SKOR1: variants seen among roughly 807,000 people sequenced by gnomAD.
The protein encoded by SKOR1 is LBX1 corepressor 1.
SKOR1 carries 38 observed loss-of-function variants against 72.4 expected under a neutral mutation model. The observed-to-expected ratio is 0.52, with a 90% CI of 0.40 to 0.69. The LOEUF (loss-of-function observed/expected upper bound fraction) is 0.69, where lower values mean the gene tolerates loss of function less well. Among genes scored for constraint, SKOR1 ranks in the 30% least tolerant of loss-of-function variants. The pLI is 0.00. For missense variants in SKOR1, 1,320 were observed against 1,343.2 expected (o/e 0.98, Z 0.27); for synonymous variants, 642 against 599.4 (o/e 1.07, Z -1.04).
chr15:67,827,800 G>A lies in SKOR1; in HGVS notation c.1972G>A (p.Glu658Lys), dbSNP rs865884747. ...SASPDVDTAD[E>K]PEVDVESNRF... ...CTCGCCCGACGTGGACACCGCGGAC[G>A]AGCCCGAGGTGGACGTGGAATCCAA... Residue 658 changes from glutamate (E) to lysine (K), a missense_variant, in exon 2 of 9, where the codon GAG becomes AAG. Around this residue, in one of 3 missense-constraint regions of SKOR1, gnomAD observed 1,099 missense variants for 1,025.5 expected, o/e 1.07. Transcript: ENST00000380035. The A allele has an allele frequency of 2.5e-6, 4 of 1,575,750 alleles. No homozygotes were observed. In the South Asian group the frequency reaches 4.6e-5, roughly 18 times the overall value.
In SKOR1 at chr15:67,832,911, T is replaced by C. The variant is rs1597020743; in HGVS notation, c.2737+230T>C. The stretch of plus-strand genomic sequence containing the variant: ...GATTGAACTTCTTATCGCGGCAATT[T>C]CCATGGTTTCTAAATTAAAAATCGA... On this transcript the variant is annotated intron_variant, in intron 7 of 8. Transcript: ENST00000380035. This position sits in a 1 kb window ranked among gnomAD's most constrained non-coding sequence, Gnocchi z 4.5. 1 of 599,488 alleles carries C rather than the reference T, an allele frequency of 1.7e-6. No homozygotes were observed. The highest frequency in any genetic ancestry group is 2.8e-5 in the East Asian group (1 of 36,092). 37.1% of individuals were successfully genotyped at this position (599,488 alleles called of 1,614,324 possible). A position where few individuals can be genotyped will look rare whatever the true frequency, so the allele number is the denominator to read the frequency against.
At chr15:67,829,097 C>A in intron 2 of SKOR1, 82 bp from the exon 3 acceptor site, 1 of 1,322,856 alleles carries the variant, frequency 7.6e-7, no homozygotes. Flanking sequence ...GGCTTTCCCT[C>A]TTGGCCGCGG....
At chr15:67,828,650 C>T (rs2090984795) in intron 2 of SKOR1, among the ~76,000 whole-genome samples, 1 of 152,112 alleles carries the variant, frequency 6.6e-6, no homozygotes, top group Admixed American at 6.5e-5. Flanking sequence ...TTCGCACTCC[C>T]GCCTTGGGAA....
In SKOR1 at chr15:67,833,714, A is replaced by G. The variant is rs986983568; in HGVS notation, c.2804-28A>G. The G allele has an allele frequency of 5.6e-6, 9 of 1,609,874 alleles. No individual in the cohort carries two copies. Among genetic ancestry groups the G allele is most frequent in the Non-Finnish European group, 6.8e-6 (8 of 1,176,902 alleles). On this transcript the variant is annotated intron_variant, in intron 8 of 8. Transcript: ENST00000380035. This position sits in a 1 kb window ranked among gnomAD's most constrained non-coding sequence, Gnocchi z 6.0. ...GTGAGGTGAGCCTGGAGAGGCGCCC[A>G]GAGTGACCCTCGCGACTGTCTCCCC...
Position 67,833,286 on chromosome 15 carries a change from G to A in SKOR1, c.2803+29G>A, listed in dbSNP as rs772697358. On this transcript the variant is annotated intron_variant, in intron 8 of 8. Transcript: ENST00000380035. This position sits in a 1 kb window ranked among gnomAD's most constrained non-coding sequence, Gnocchi z 6.0. ...CGGAAGCCGGGAAACAAAGATAGGA[G>A]GGGTGCTGGGTGCCGGCCGTGCTGT... The A allele has an allele frequency of 7.4e-6, 12 of 1,612,470 alleles. No individual in the cohort carries two copies. In the Admixed American group the frequency reaches 1.7e-4, roughly 22 times the overall value.
In SKOR1 at chr15:67,833,789, C is replaced by T; in HGVS notation, c.2851C>T (p.Arg951Cys). 2.5e-6 allele frequency: 4 copies of T among 1,613,146 alleles called. No individual in the cohort carries two copies. In the South Asian group the frequency reaches 4.4e-5, roughly 18 times the overall value. Residue 951 changes from arginine to cysteine, a missense_variant, in exon 9 of 9, where the codon CGC becomes TGC. Physicochemically the swap from Arg to Cys is radical, Grantham distance 180. Transcript: ENST00000380035. This position sits in a 1 kb window ranked among gnomAD's most constrained non-coding sequence, Gnocchi z 6.0. Reference protein sequence around the residue: ...HHFSCKMLTPRHCTGNCSFKP... With the variant: ...HHFSCKMLTPCHCTGNCSFKP... Reference sequence around the variant, plus strand: ...TTTCTCCTGCAAGATGCTGACGCCCCGCCACTGCACTGGCAACTGCTCCTT... The same window carrying T: ...TTTCTCCTGCAAGATGCTGACGCCCTGCCACTGCACTGGCAACTGCTCCTT...
rs761329955 is a variant in SKOR1 at position 67,833,296 on chromosome 15, G to T, written c.2803+39G>T. 17 of 1,603,116 alleles carry T rather than the reference G, an allele frequency of 1.1e-5. No homozygotes were observed. In the South Asian group the frequency reaches 1.9e-4, roughly 18 times the overall value. Reference sequence around the variant, plus strand: ...GAAACAAAGATAGGAGGGGTGCTGGGTGCCGGCCGTGCTGTCGACTGAATG... The same window carrying T: ...GAAACAAAGATAGGAGGGGTGCTGGTTGCCGGCCGTGCTGTCGACTGAATG... On this transcript the variant is annotated intron_variant, in intron 8 of 8. Transcript: ENST00000380035. The surrounding 1 kb of genome is among the most constrained non-coding windows in gnomAD (Gnocchi z 6.0).
Position 67,833,990 on chromosome 15 carries a change from C to T in SKOR1, c.*154C>T. On this transcript the variant is annotated 3_prime_UTR_variant, in exon 9 of 9. Coordinates refer to ENST00000380035, the MANE Select transcript of SKOR1 (RefSeq NM_001365915.1). The surrounding 1 kb of genome is among the most constrained non-coding windows in gnomAD (Gnocchi z 6.0). ...CCGCCTTCCTCCCGGGCTCCCCGGC[C>T]TTGCCCGCCCCCTCCCGGGCGTCCC... The T allele has an allele frequency of 1.2e-6, 1 of 829,496 alleles. No individual in the cohort carries two copies. The highest frequency in any genetic ancestry group is 2.0e-6 in the Non-Finnish European group (1 of 511,964). The allele number at this position is 829,496 out of a possible 1,614,324, so 51.4% of individuals were successfully genotyped here. A position where few individuals can be genotyped will look rare whatever the true frequency, so the allele number is the denominator to read the frequency against.
rs549297936 is a variant in SKOR1, at chr15:67,825,883, C to A, written c.108-53C>A. The A allele has an allele frequency of 3.3e-6, 5 of 1,509,074 alleles. No homozygotes were observed. The highest frequency in any genetic ancestry group is 2.6e-6 in the Non-Finnish European group (3 of 1,135,644). 93.5% of individuals were successfully genotyped at this position (1,509,074 alleles called of 1,614,324 possible). A position where few individuals can be genotyped will look rare whatever the true frequency, so the allele number is the denominator to read the frequency against. On this transcript the variant is annotated intron_variant, in intron 1 of 8. Coordinates refer to ENST00000380035, the MANE Select transcript of SKOR1 (RefSeq NM_001365915.1). This position sits in a 1 kb window ranked among gnomAD's most constrained non-coding sequence, Gnocchi z 5.6. ...CGCCCTGCTGGGCGGGCCCGAGCCT[C>A]GGCGGCGGCGCTGAAAATGGCTCAT...
Position 67,832,535 on chromosome 15 carries a change from G to A in SKOR1, c.2663-72G>A, listed in dbSNP as rs867087535. ...AGTTGGGGGTAGGGGTGAAAGGGGG[G>A]GCCAGGAGTGAGAAAGTGGAGCCGG... On this transcript the variant is annotated intron_variant, in intron 6 of 8. Coordinates refer to ENST00000380035, the MANE Select transcript of SKOR1 (RefSeq NM_001365915.1). This position sits in a 1 kb window ranked among gnomAD's most constrained non-coding sequence, Gnocchi z 4.5. 6.2e-6 allele frequency: 9 copies of A among 1,445,982 alleles called. No homozygotes were observed. The Middle Eastern group carries it at 1.6e-3, about 254-fold the overall frequency. 89.6% of individuals were successfully genotyped at this position (1,445,982 alleles called of 1,614,324 possible).
rs1566977542 is a variant in SKOR1, at chr15:67,833,200, TG to T, written c.2747del (p.Cys916LeufsTer18). The T allele has an allele frequency of 6.2e-7, 1 of 1,614,040 alleles. No homozygotes were observed. Among genetic ancestry groups the T allele is most frequent in the East Asian group, 2.2e-5 (1 of 44,876 alleles). ...CTCCCCTTGTCTTCCAGATACCCTG[TG>T]TAACGAACTCGACCAGGAGCGGAAG... ...QQLQIVRDTL[C>X]NELDQERKAR... On this transcript the variant is annotated frameshift_variant, in exon 8 of 9. Coordinates refer to ENST00000380035, the MANE Select transcript of SKOR1 (RefSeq NM_001365915.1). LOFTEE classifies it high-confidence loss of function. The surrounding 1 kb of genome is among the most constrained non-coding windows in gnomAD (Gnocchi z 6.0).
chr15:67,830,668 T>C (rs933248964), intron 4 of SKOR1, 150 bp from the exon 5 acceptor site: 9 of 755,186 alleles, frequency 1.2e-5, no homozygotes, highest in African/African-American at 1.0e-4. Flanking sequence ...TCCTAGAAGG[T>C]GGATAGTACT....
chr15:67,832,741 G>A lies in SKOR1; in HGVS notation c.2737+60G>A, dbSNP rs752142960. 7.3e-7 allele frequency: 1 copy of A among 1,364,772 alleles called. No individual in the cohort carries two copies. The allele number at this position is 1,364,772 out of a possible 1,614,324, so 84.5% of individuals were successfully genotyped here. On this transcript the variant is annotated intron_variant, in intron 7 of 8. Transcript: ENST00000380035. This position sits in a 1 kb window ranked among gnomAD's most constrained non-coding sequence, Gnocchi z 4.5. ...CGTAACTGCCTCTCGTCTGGCAGGA[G>A]CCGCAATGTTGGCTCAGTCATTTGG...
At position 67,826,354 on chromosome 15, in the gene SKOR1, C is replaced by G; in HGVS notation, c.526C>G (p.Pro176Ala). The G allele has an allele frequency of 6.2e-7, 1 of 1,613,668 alleles. No homozygotes were observed. ...GGGCGAGCACAAACCACCCAAGCTG[C>G]CCGAGAACTTCGCCTTCGATGTGGT... Reference protein sequence around the residue: ...FLGEHKPPKLPENFAFDVVHE... With the variant: ...FLGEHKPPKLAENFAFDVVHE... The change falls in exon 2 of 9, where the codon CCC becomes GCC. Residue 176 changes from proline (P) to alanine (A), a missense_variant. Pro to Ala is a conservative substitution (Grantham distance 27). Transcript: ENST00000380035.
At position 67,832,542 on chromosome 15, in the gene SKOR1, A is replaced by G; in HGVS notation, c.2663-65A>G. ...GGTAGGGGTGAAAGGGGGGGCCAGG[A>G]GTGAGAAAGTGGAGCCGGGAGAGGG... On this transcript the variant is annotated intron_variant, in intron 6 of 8. Transcript: ENST00000380035. This position sits in a 1 kb window ranked among gnomAD's most constrained non-coding sequence, Gnocchi z 4.5. 1.4e-6 allele frequency: 2 copies of G among 1,469,402 alleles called. No individual in the cohort carries two copies. Among genetic ancestry groups the G allele is most frequent in the East Asian group, 2.3e-5 (1 of 43,950 alleles). 91.0% of individuals were successfully genotyped at this position (1,469,402 alleles called of 1,614,324 possible).
At position 67,833,698 on chromosome 15, in the gene SKOR1, G is replaced by C. The variant is rs747084884; in HGVS notation, c.2804-44G>C. ...AAGGGTGGACTGCGCGGTGAGGTGA[G>C]CCTGGAGAGGCGCCCAGAGTGACCC... is the stretch of plus-strand genomic sequence containing the variant. On this transcript the variant is annotated intron_variant, in intron 8 of 8. Transcript: ENST00000380035. The surrounding 1 kb of genome is among the most constrained non-coding windows in gnomAD (Gnocchi z 6.0). 3 of 1,593,980 alleles carry C rather than the reference G, an allele frequency of 1.9e-6. No individual in the cohort carries two copies. The highest frequency in any genetic ancestry group is 1.7e-6 in the Non-Finnish European group (2 of 1,162,998).
chr15:67,833,667 A>T lies in SKOR1; in HGVS notation c.2804-75A>T. 6.9e-7 allele frequency: 1 copy of T among 1,456,082 alleles called. No homozygotes were observed. 90.2% of individuals were successfully genotyped at this position (1,456,082 alleles called of 1,614,324 possible). A position where few individuals can be genotyped will look rare whatever the true frequency, so the allele number is the denominator to read the frequency against. ...CCCCAAAGGGTTGGTAAGGCCGGGGAGGGGAAAGGGTGGACTGCGCGGTGA... is the reference window on the plus strand; with the variant it reads ...CCCCAAAGGGTTGGTAAGGCCGGGGTGGGGAAAGGGTGGACTGCGCGGTGA... On this transcript the variant is annotated intron_variant, in intron 8 of 8. Coordinates refer to ENST00000380035, the MANE Select transcript of SKOR1 (RefSeq NM_001365915.1). The surrounding 1 kb of genome is among the most constrained non-coding windows in gnomAD (Gnocchi z 6.0).
intron 3 of SKOR1, among the ~76,000 whole-genome samples, chr15:67,829,872 C>T (rs1213511694): frequency 6.6e-6 from 1 of 152,270 alleles, no homozygotes; most frequent in African/African-American, 2.4e-5. Flanking sequence ...CGGACAGACC[C>T]GGCGGCCACG....
intron 5 of SKOR1, among the ~76,000 whole-genome samples, chr15:67,831,927 GCGGGGGC>G (rs2091011679): frequency 7.0e-6 from 1 of 143,634 alleles, no homozygotes; most frequent in African/African-American, 2.7e-5. Flanking sequence ...CGGGGCCGGG[GCGGGGGC>G]GGGGTCTGTC....
Sources: gnomAD v4.1 joint callset for allele counts (sites outside exome capture counted in the v4.1 genomes callset) on GRCh38, gnomAD v4.1.1 for gene constraint, gnomAD v4.1.1 regional missense constraint, Gnocchi (gnomAD v3.1) non-coding constraint, MANE v1.5 for transcripts, NCBI Gene and HGNC (gene_info 2026-07-23, HGNC 2026-07-21) for gene names.